FAR1: variants seen among roughly 807,000 people sequenced by gnomAD.
The protein encoded by FAR1 is fatty acyl-CoA reductase 1.
A neutral mutation model predicts 61.1 loss-of-function variants in FAR1; 22 were observed. The ratio of observed to expected loss-of-function variants is 0.36; its 90% CI spans 0.26 to 0.51. FAR1 has a LOEUF of 0.51. Ranked by LOEUF, FAR1 falls within the 20% of genes least tolerant of loss-of-function variation. The pLI, the probability that FAR1 is intolerant of heterozygous loss-of-function variation, is 0.95. For missense variants in FAR1, 359 were observed against 626.9 expected (o/e 0.57, Z 4.56); for synonymous variants, 206 against 209.7 (o/e 0.98, Z 0.15).
intron 1 of FAR1, among the ~76,000 whole-genome samples, chr11:13,671,972 T>C (rs1848010032): frequency 6.6e-6 from 1 of 152,232 alleles, no homozygotes; most frequent in Admixed American, 6.5e-5. Context: ...AGGAATACAC[T>C]GTTTAGAGAA....
intron 10 of FAR1, among the ~76,000 whole-genome samples, chr11:13,724,953 G>T (rs1848653812): frequency 6.6e-6 from 1 of 152,136 alleles, no homozygotes; most frequent in Non-Finnish European, 1.5e-5. Flanking sequence ...TTGTAGGGTT[G>T]CGAGAATGGA....
Position 13,688,950 on chromosome 11 carries a change from A to G in FAR1, c.-7-5809A>G, listed in dbSNP as rs566343837. 1.9e-4 allele frequency among the ~76,000 whole-genome samples: 29 copies of G among 152,140 alleles called. No homozygotes were observed. The South Asian group carries it at 6.0e-3, about 32-fold the overall frequency. On this transcript the variant is annotated intron_variant, in intron 1 of 11. Transcript: ENST00000354817. ...AGCTGGGACCATTCATTTGAACTTC[A>G]ATGCTCTGTAGTTTTAATTAGGCTT...
intron 4 of FAR1, among the ~76,000 whole-genome samples, chr11:13,709,977 G>A (rs1038011686): frequency 6.6e-6 from 1 of 152,080 alleles, no homozygotes; most frequent in Non-Finnish European, 1.5e-5. Context: ...GAACAGAGTA[G>A]ACCATTTCTT....
In FAR1 at chr11:13,711,933, G is replaced by T; in HGVS notation, c.774G>T (p.Gly258=). The T allele has an allele frequency of 6.2e-7, 1 of 1,612,798 alleles. No homozygotes were observed. The highest frequency in any genetic ancestry group is 8.5e-7 in the Non-Finnish European group (1 of 1,179,068). ...NGPSGLFIAA[G]KGILRTIRAS... ...TGTTTTTAATTTCAACAAAGGCAGGGAAAGGAATTCTTCGAACAATACGTG... is the reference window on the plus strand; with the variant it reads ...TGTTTTTAATTTCAACAAAGGCAGGTAAAGGAATTCTTCGAACAATACGTG... The change falls in exon 7 of 12, where the codon GGG becomes GGT. Residue 258 remains glycine, a synonymous_variant. Coordinates refer to ENST00000354817, the MANE Select transcript of FAR1 (RefSeq NM_032228.6).
intron 3 of FAR1, among the ~76,000 whole-genome samples, chr11:13,703,966 C>T (rs1848405724): frequency 6.6e-6 from 1 of 150,472 alleles, no homozygotes; most frequent in South Asian, 2.1e-4. Flanking sequence ...ATCACTTGAA[C>T]CTGGGACGTG....
chr11:13,728,558 C>T lies in FAR1; in HGVS notation c.1386-54C>T, dbSNP rs1033741409. 1.1e-5 allele frequency: 17 copies of T among 1,504,846 alleles called. 1 individual carries two copies. The highest frequency in any genetic ancestry group is 1.5e-5 in the Non-Finnish European group (16 of 1,098,294). The allele number at this position is 1,504,846 out of a possible 1,614,324, so 93.2% of individuals were successfully genotyped here. A position where few individuals can be genotyped will look rare whatever the true frequency, so the allele number is the denominator to read the frequency against. ...TCAGTATTAATTAGCTGCCATCTAACAATATTTTTTTCTAGAAAATACTGT... is the reference window on the plus strand; with the variant it reads ...TCAGTATTAATTAGCTGCCATCTAATAATATTTTTTTCTAGAAAATACTGT... On this transcript the variant is annotated intron_variant, in intron 11 of 11. Transcript: ENST00000354817.
intron 4 of FAR1, 112 bp downstream of exon 4, chr11:13,708,191 A>C: frequency 1.5e-6 from 1 of 654,412 alleles, no homozygotes; most frequent in South Asian, 4.0e-5. Flanking sequence ...GTGAAACCCC[A>C]TCTCACTAAA....
chr11:13,710,161 A>G (rs1389852625), intron 4 of FAR1, among the ~76,000 whole-genome samples: 3 of 152,060 alleles, frequency 2.0e-5, no homozygotes, highest in Non-Finnish European at 4.4e-5. Flanking sequence ...TGTGTTCATT[A>G]TAAATGTATG....
chr11:13,714,442 AT>A (rs138697039), intron 8 of FAR1, 66 bp from the exon 9 acceptor site: 124,247 of 1,226,080 alleles, frequency 0.1, 4,463 homozygotes, highest in Non-Finnish European at 0.12. Context: ...TAAAAACATG[AT>A]TTTTTTTTTT....
chr11:13,715,779 T>G (rs553666824), intron 9 of FAR1: 1 of 152,304 alleles, frequency 6.6e-6, no homozygotes, highest in East Asian at 1.9e-4. Context: ...CTTAATTTTT[T>G]TTAACTACAT....
chr11:13,693,732 T>G (rs1053253410), intron 1 of FAR1, among the ~76,000 whole-genome samples: 1 of 152,216 alleles, frequency 6.6e-6, no homozygotes, highest in Non-Finnish European at 1.5e-5. Context: ...CTGTTTCTTC[T>G]GGTATGGCTA....
chr11:13,696,682 A>G (rs1203464275), intron 2 of FAR1, among the ~76,000 whole-genome samples: 1 of 152,156 alleles, frequency 6.6e-6, no homozygotes, highest in East Asian at 1.9e-4. Flanking sequence ...ATTTTATCTT[A>G]TGCCTTCAGT....
rs190416423 is a variant in FAR1, at chr11:13,726,882, G to T, written c.1258-674G>T. 4.4e-3 allele frequency among the ~76,000 whole-genome samples: 665 copies of T among 151,712 alleles called. 2 individuals carry two copies. Among genetic ancestry groups the T allele is most frequent in the Middle Eastern group, 0.01 (3 of 294 alleles). ...ATAGTAGCTTTCCCTTCCTAGAATT[G>T]GCTATTTTTAGATAAGTGATGGTAT... is the stretch of plus-strand genomic sequence containing the variant. On this transcript the variant is annotated intron_variant, in intron 10 of 11. Coordinates refer to ENST00000354817, the MANE Select transcript of FAR1 (RefSeq NM_032228.6).
chr11:13,718,924 A>T (rs1273998623), intron 9 of FAR1, among the ~76,000 whole-genome samples: 4 of 152,026 alleles, frequency 2.6e-5, no homozygotes, highest in Admixed American at 2.6e-4. Flanking sequence ...GACTAGTTTG[A>T]GCTTCCTCGC....
In FAR1 at chr11:13,710,915, T is replaced by G. The variant is rs1034629442; in HGVS notation, c.723+45T>G. ...TATAAATAACTGGAGTTGAGAATTT[T>G]AAGTTGTAACTCTGTATAAAAAGAG... is the stretch of plus-strand genomic sequence containing the variant. On this transcript the variant is annotated intron_variant, in intron 5 of 11. Transcript: ENST00000354817. 12 of 1,541,044 alleles carry G rather than the reference T, an allele frequency of 7.8e-6. No individual in the cohort carries two copies. In the African/African-American group the frequency reaches 1.4e-4, roughly 18 times the overall value.
At chr11:13,727,354 A>C (rs1438799388) in intron 10 of FAR1, among the ~76,000 whole-genome samples, 1 of 152,026 alleles carries the variant, frequency 6.6e-6, no homozygotes, top group Admixed American at 6.5e-5. Context: ...ATCTTCTCAA[A>C]TGTTTCCATG....
intron 1 of FAR1, among the ~76,000 whole-genome samples, chr11:13,672,309 A>T (rs1039752551): frequency 6.6e-6 from 1 of 151,932 alleles, no homozygotes; most frequent in Non-Finnish European, 1.5e-5. Context: ...TTTCAAATTT[A>T]AAAAAATGAG....
chr11:13,707,841 T>A, intron 3 of FAR1, 59 bp from the exon 4 acceptor site: 1 of 1,247,860 alleles, frequency 8.0e-7, no homozygotes, highest in Non-Finnish European at 1.1e-6. Flanking sequence ...ATGATATTTT[T>A]AACAGGTAAA....
At chr11:13,669,148 C>CG (rs1246933325) in intron 1 of FAR1, among the ~76,000 whole-genome samples, 1 of 152,148 alleles carries the variant, frequency 6.6e-6, no homozygotes, top group Non-Finnish European at 1.5e-5. Context: ...AGCCGAGCAG[C>CG]GGGCTCCGCG....
Sources: allele counts gnomAD v4.1 joint callset (sites outside exome capture counted in the v4.1 genomes callset), GRCh38; gene constraint gnomAD v4.1.1; transcripts MANE v1.5; gene names NCBI Gene and HGNC (gene_info 2026-07-23, HGNC 2026-07-21).